Variants in RNF125 observed in about 807,000 individuals in gnomAD.
The protein encoded by RNF125 is E3 ubiquitin-protein ligase RNF125.
Under a neutral mutation model 26.0 loss-of-function variants are expected in RNF125, and 21 were observed. The ratio of observed to expected loss-of-function variants is 0.81; its 90% CI spans 0.57 to 1.16. RNF125 has a LOEUF of 1.16. Ranked by LOEUF, RNF125 falls within the 50% of genes most tolerant of loss-of-function variation. The pLI is 0.00. For missense variants in RNF125, 270 were observed against 299.4 expected, an observed-to-expected ratio of 0.90 and a Z score of 0.72; for synonymous variants, 95 against 109.2, an observed-to-expected ratio of 0.87 and a Z score of 0.81.
At chr18:32,019,271 G>A (rs145312464) in intron 1 of RNF125, among the ~76,000 whole-genome samples, 122 of 152,142 alleles carry the variant, frequency 8.0e-4, no homozygotes, top group Non-Finnish European at 1.6e-3. Context: ...TTCAGCTCCC[G>A]AAGCCCAGGT....
intron 4 of RNF125, among the ~76,000 whole-genome samples, chr18:32,050,151 A>G (rs1036977663): frequency 1.3e-5 from 2 of 152,196 alleles, no homozygotes; most frequent in Admixed American, 6.5e-5. Flanking sequence ...TCCAAAAATA[A>G]TTAGATAACT....
At chr18:32,042,939 A>G (rs749445204) in intron 3 of RNF125, among the ~76,000 whole-genome samples, 1 of 151,802 alleles carries the variant, frequency 6.6e-6, no homozygotes, top group African/African-American at 2.4e-5. Flanking sequence ...ACTTGAGGTC[A>G]GGAGTTCAAG....
chr18:32,053,475 A>T (rs1371367023), intron 4 of RNF125, among the ~76,000 whole-genome samples: 2 of 152,064 alleles, frequency 1.3e-5, no homozygotes, highest in South Asian at 2.1e-4. Context: ...ATGGGGGAAA[A>T]CTGTCAACTG....
chr18:32,035,656 A>C (rs901966546), intron 1 of RNF125, among the ~76,000 whole-genome samples: 27 of 152,234 alleles, frequency 1.8e-4, no homozygotes, highest in Non-Finnish European at 8.8e-5. Context: ...CCAAGAATAC[A>C]TACCAGAGGG....
intron 4 of RNF125, among the ~76,000 whole-genome samples, chr18:32,063,272 A>T (rs1008990940): frequency 1.5e-4 from 22 of 151,636 alleles, no homozygotes; most frequent in African/African-American, 4.3e-4. Context: ...ATATAATTTT[A>T]AAAAAGTGAA....
the RNF125 span, among the ~76,000 whole-genome samples, chr18:32,087,197 C>G: frequency 6.6e-6 from 1 of 151,842 alleles, no homozygotes; most frequent in Non-Finnish European, 1.5e-5. Flanking sequence ...TCTCTGAGTT[C>G]TGTGTGCTGC....
downstream of RNF125, chr18:32,076,246 A>C (rs964879234): frequency 1.0e-4 from 43 of 430,270 alleles, 1 homozygote; most frequent in Admixed American, 1.2e-3. Context: ...TCTTGAGAGC[A>C]TCAGCCAGGA....
downstream of RNF125, among the ~76,000 whole-genome samples, chr18:32,076,544 C>G (rs1246682088): frequency 1.3e-5 from 2 of 152,066 alleles, no homozygotes; most frequent in Non-Finnish European, 2.9e-5. Context: ...CTCTTGGACT[C>G]CAGCCATTCT....
chr18:32,071,942 T>G lies in RNF125; in HGVS notation c.*3558T>G, dbSNP rs571090804. Reference sequence around the variant, plus strand: ...GCTCACACCTATAATCCCAGCACTTTGGGAGGCTGAGGTGGAGGGTCTCAT... The same window carrying G: ...GCTCACACCTATAATCCCAGCACTTGGGGAGGCTGAGGTGGAGGGTCTCAT... On this transcript the variant is annotated 3_prime_UTR_variant, in exon 6 of 6. Coordinates refer to ENST00000217740, the MANE Select transcript of RNF125 (RefSeq NM_017831.4). 4 of 152,330 alleles carry G rather than the reference T, an allele frequency of 2.6e-5. No homozygotes were observed. In the South Asian group the frequency reaches 8.3e-4, roughly 32 times the overall value. 9.4% of individuals were successfully genotyped at this position (152,330 alleles called of 1,614,324 possible). A position where few individuals can be genotyped will look rare whatever the true frequency, so the allele number is the denominator to read the frequency against.
chr18:32,018,867 G>T lies in RNF125; in HGVS notation c.4G>T (p.Gly2Cys). 6.3e-7 allele frequency: 1 copy of T among 1,575,386 alleles called. No homozygotes were observed. Among genetic ancestry groups the T allele is most frequent in the Non-Finnish European group, 8.6e-7 (1 of 1,161,650 alleles). M[G>C]SVLSTDSGKS... The stretch of plus-strand genomic sequence containing the variant: ...TGTCTGGGCGAGAGGCACAGCGATG[G>T]GCTCCGTGCTGAGCACCGACAGCGG... Residue 2 changes from glycine to cysteine, a missense_variant, in exon 1 of 6, where the codon GGC becomes TGC. Transcript: ENST00000217740.
chr18:32,055,751 T>C (rs2421180), intron 4 of RNF125, among the ~76,000 whole-genome samples: 13,963 of 151,740 alleles, frequency 0.092, 1,561 homozygotes, highest in African/African-American at 0.27. Context: ...GAGGCCAAGG[T>C]GGGCGGATCA....
chr18:32,019,848 G>C (rs544576470), intron 1 of RNF125, among the ~76,000 whole-genome samples: 1 of 152,284 alleles, frequency 6.6e-6, no homozygotes, highest in African/African-American at 2.4e-5. Flanking sequence ...TCTCAAAACC[G>C]CATAGTACTT....
chr18:32,043,083 A>C (rs2144479053), intron 3 of RNF125, among the ~76,000 whole-genome samples: 1 of 152,128 alleles, frequency 6.6e-6, no homozygotes, highest in South Asian at 2.1e-4. Flanking sequence ...TGGGAGGCAG[A>C]GGTTGCAGTG....
chr18:32,067,683 T>A (rs1374925230), intron 5 of RNF125, among the ~76,000 whole-genome samples: 3 of 152,220 alleles, frequency 2.0e-5, no homozygotes, highest in African/African-American at 7.2e-5. Flanking sequence ...ATGACTTTCC[T>A]TTGGATTTTG....
intron 1 of RNF125, among the ~76,000 whole-genome samples, chr18:32,033,484 C>A (rs2039119745): frequency 6.6e-6 from 1 of 151,220 alleles, no homozygotes; most frequent in Non-Finnish European, 1.5e-5. Flanking sequence ...GAGATCATGC[C>A]ATTGCACTCC....
chr18:32,077,860 C>T (rs951991279), downstream of RNF125, among the ~76,000 whole-genome samples: 1 of 151,614 alleles, frequency 6.6e-6, no homozygotes, highest in African/African-American at 2.4e-5. Flanking sequence ...TGTGACATGG[C>T]TCACTGCAGC....
chr18:32,078,970 A>G, the RNF125 span, among the ~76,000 whole-genome samples: 1 of 152,190 alleles, frequency 6.6e-6, no homozygotes, highest in Non-Finnish European at 1.5e-5. Flanking sequence ...TTATATCACC[A>G]GTATCCCTTG....
intron 1 of RNF125, among the ~76,000 whole-genome samples, chr18:32,034,734 G>A (rs983662755): frequency 5.3e-5 from 8 of 151,778 alleles, no homozygotes; most frequent in Middle Eastern, 3.4e-3. Context: ...CCAACATGGC[G>A]AAACACAGTC....
chr18:32,030,363 G>C (rs1283474684), intron 1 of RNF125, among the ~76,000 whole-genome samples: 1 of 152,128 alleles, frequency 6.6e-6, no homozygotes, highest in Non-Finnish European at 1.5e-5. Context: ...CTAATTTTTA[G>C]AAAATGAAAC....
Sources: allele counts gnomAD v4.1 joint callset (sites outside exome capture counted in the v4.1 genomes callset), GRCh38; gene constraint gnomAD v4.1.1; transcripts MANE v1.5; gene names NCBI Gene and HGNC (gene_info 2026-07-23, HGNC 2026-07-21).